Variants in SMIM22 observed in about 807,000 individuals in gnomAD.
SMIM22 encodes the protein small integral membrane protein 22, also known as cancer associated small integral membrane open reading frame 1.
SMIM22 carries 16 observed loss-of-function variants against 8.4 expected under a neutral mutation model. That is an observed-to-expected ratio of 1.90 (90% CI 1.29 to 2.89). The LOEUF (loss-of-function observed/expected upper bound fraction) is 2.89, where lower values mean the gene tolerates loss of function less well. SMIM22 is among the 30% of genes most tolerant of loss of function. The probability of loss-of-function intolerance (pLI) is 0.00; values close to 1 mark genes in which losing one functional copy is unlikely to be tolerated. For missense variants in SMIM22, 159 were observed against 107.5 expected, an observed-to-expected ratio of 1.48 and a Z score of -2.12; for synonymous variants, 67 against 47.6, an observed-to-expected ratio of 1.41 and a Z score of -1.68.
upstream of SMIM22, among the ~76,000 whole-genome samples, chr16:4,793,957 A>G (rs894486250): frequency 4.0e-5 from 6 of 151,488 alleles, no homozygotes; most frequent in African/African-American, 1.5e-4. Flanking sequence ...ATTTTTTTTG[A>G]GATAGTCTTG....
chr16:4,796,324 A>T lies in SMIM22; in HGVS notation c.*93A>T. 5 of 1,446,584 alleles carry T rather than the reference A, an allele frequency of 3.5e-6. No individual in the cohort carries two copies. Among genetic ancestry groups the T allele is most frequent in the Non-Finnish European group, 4.6e-6 (5 of 1,079,504 alleles). The allele number at this position is 1,446,584 out of a possible 1,614,324, so 89.6% of individuals were successfully genotyped here. ...CTTCCAGTCCCCGTCTGGGTGGGTG[A>T]CGCGGGACTCGCCGCCCCACTCAGG... On this transcript the variant is annotated 3_prime_UTR_variant, in exon 4 of 4. Transcript: ENST00000586005.
upstream of SMIM22, among the ~76,000 whole-genome samples, chr16:4,792,212 A>T (rs926845655): frequency 6.6e-6 from 1 of 150,604 alleles, no homozygotes; most frequent in Non-Finnish European, 1.5e-5. Context: ...TTTTTTTGAG[A>T]CAGAGTCTCG....
At chr16:4,794,526 T>C (rs542490196), upstream of SMIM22, among the ~76,000 whole-genome samples, 6 of 152,252 alleles carry the variant, frequency 3.9e-5, no homozygotes, top group East Asian at 1.9e-4. Context: ...GTTCAAGTGA[T>C]TCTCCTGCCT....
upstream of SMIM22, among the ~76,000 whole-genome samples, chr16:4,790,995 G>A (rs190263350): frequency 1.3e-5 from 2 of 152,320 alleles, no homozygotes; most frequent in Admixed American, 6.5e-5. Context: ...AGCAGCTGAG[G>A]ATGTGGTTAG....
upstream of SMIM22, among the ~76,000 whole-genome samples, chr16:4,791,330 T>C (rs1471366482): frequency 2.0e-5 from 3 of 152,004 alleles, no homozygotes; most frequent in East Asian, 1.9e-4. Flanking sequence ...GTGACTATGG[T>C]GGAAGAGGAC....
chr16:4,793,402 GGT>G, upstream of SMIM22, among the ~76,000 whole-genome samples: 1 of 152,296 alleles, frequency 6.6e-6, no homozygotes, highest in Non-Finnish European at 1.5e-5. Context: ...GGATACATTA[GGT>G]GTGTGACGGG....
At chr16:4,793,962 G>C (rs1164984248), upstream of SMIM22, among the ~76,000 whole-genome samples, 1 of 151,722 alleles carries the variant, frequency 6.6e-6, no homozygotes, top group Non-Finnish European at 1.5e-5. Context: ...TTTTGAGATA[G>C]TCTTGCTCTG....
At chr16:4,791,265 G>C (rs1196342717), upstream of SMIM22, among the ~76,000 whole-genome samples, 1 of 152,196 alleles carries the variant, frequency 6.6e-6, no homozygotes, top group Admixed American at 6.5e-5. Context: ...TCATCTGGAA[G>C]GTGCTCCCGG....
chr16:4,796,403 TCA>T lies in SMIM22; in HGVS notation c.*173_*174del. ...TCAGCACGACTGTGCCAGGTCATCC[TCA>T]GTCACCTAGCTGGGAGGGGAGCTGG... On this transcript the variant is annotated 3_prime_UTR_variant, in exon 4 of 4. Coordinates refer to ENST00000586005, the MANE Select transcript of SMIM22 (RefSeq NM_001253794.2). The T allele has an allele frequency of 2.7e-6, 2 of 733,566 alleles. No individual in the cohort carries two copies. The highest frequency in any genetic ancestry group is 2.2e-6 in the Non-Finnish European group (1 of 456,348). 45.4% of individuals were successfully genotyped at this position (733,566 alleles called of 1,614,324 possible). A position where few individuals can be genotyped will look rare whatever the true frequency, so the allele number is the denominator to read the frequency against.
At position 4,795,845 on chromosome 16, in the gene SMIM22, C is replaced by T. The variant is rs755548613; in HGVS notation, c.111C>T (p.Phe37=). 7.8e-6 allele frequency: 12 copies of T among 1,535,764 alleles called. No individual in the cohort carries two copies. In the South Asian group the frequency reaches 9.5e-5, roughly 12 times the overall value. ...GGGACACTGTTGCCTTCATTGTTTT[C>T]CTCACCTTCATGGGTAAGTGTGGCT... is the stretch of plus-strand genomic sequence containing the variant. ...STWDTVAFIV[F]LTFMGTVLLL... is the part of the protein sequence containing the mutation. Residue 37 remains phenylalanine (F), a synonymous_variant, in exon 2 of 4, where the codon TTC becomes TTT. Transcript: ENST00000586005.
upstream of SMIM22, among the ~76,000 whole-genome samples, chr16:4,791,223 C>T (rs569047900): frequency 7.9e-5 from 12 of 152,152 alleles, no homozygotes; most frequent in South Asian, 1.2e-3. Context: ...ATGTAAGTGC[C>T]GTCAAAGGAG....
chr16:4,795,974 G>A lies in SMIM22; in HGVS notation c.151G>A (p.Val51Ile). The A allele has an allele frequency of 1.3e-6, 2 of 1,505,754 alleles. No individual in the cohort carries two copies. Among genetic ancestry groups the A allele is most frequent in the Non-Finnish European group, 1.8e-6 (2 of 1,131,114 alleles). The allele number at this position is 1,505,754 out of a possible 1,614,324, so 93.3% of individuals were successfully genotyped here. The change falls in exon 3 of 4, where the codon GTC becomes ATC. Residue 51 changes from valine (V) to isoleucine (I), a missense_variant. By Grantham distance (29) the Val-to-Ile change is conservative. Transcript: ENST00000586005. The part of the protein sequence containing the change: ...MGTVLLLLLL[V>I]VAHCCCCSSP... ...CACCGTGCTGCTCCTGCTGCTGCTG[G>A]TCGTCGCCCACTGCTGCTGCTGCAG...
chr16:4,796,091 G>GGGGTGGA, intron 3 of SMIM22, 43 bp downstream of exon 3: 1 of 1,535,576 alleles, frequency 6.5e-7, no homozygotes, highest in South Asian at 1.2e-5. Flanking sequence ...AACTGTACTG[G>GGGGTGGA]GGGTGGAGGC....
chr16:4,790,440 T>G (rs904332805), upstream of SMIM22, among the ~76,000 whole-genome samples: 8 of 152,200 alleles, frequency 5.3e-5, no homozygotes, highest in African/African-American at 1.2e-4. Flanking sequence ...CTTCTGCCAG[T>G]TCTTCCTTCT....
Position 4,795,764 on chromosome 16 carries a change from C to T in SMIM22, c.30C>T (p.Ala10=), listed in dbSNP as rs1193164944. ...CTGTGTCCACAGAGGAGCTGGAGGC[C>T]ACGGTTCAGGAAGTCCTGGGGAGAC... MAVSTEELE[A]TVQEVLGRLK... Residue 10 remains alanine (A), a synonymous_variant, in exon 2 of 4, where the codon GCC becomes GCT. Coordinates refer to ENST00000586005, the MANE Select transcript of SMIM22 (RefSeq NM_001253794.2). 1.7e-5 allele frequency: 26 copies of T among 1,535,812 alleles called. No individual in the cohort carries two copies. Among genetic ancestry groups the T allele is most frequent in the Non-Finnish European group, 2.1e-5 (24 of 1,146,816 alleles).
In SMIM22 at chr16:4,796,319, G is replaced by C; in HGVS notation, c.*88G>C. 1 of 1,468,314 alleles carries C rather than the reference G, an allele frequency of 6.8e-7. No individual in the cohort carries two copies. Among genetic ancestry groups the C allele is most frequent in the South Asian group, 1.3e-5 (1 of 77,404 alleles). 91.0% of individuals were successfully genotyped at this position (1,468,314 alleles called of 1,614,324 possible). ...AGTGTCTTCCAGTCCCCGTCTGGGT[G>C]GGTGACGCGGGACTCGCCGCCCCAC... On this transcript the variant is annotated 3_prime_UTR_variant, in exon 4 of 4. Coordinates refer to ENST00000586005, the MANE Select transcript of SMIM22 (RefSeq NM_001253794.2).
chr16:4,794,584 CTAATTTTGTATTTTTAGTAGAG>C (rs1275037281), upstream of SMIM22, among the ~76,000 whole-genome samples: 1 of 152,132 alleles, frequency 6.6e-6, no homozygotes, highest in Non-Finnish European at 1.5e-5. Context: ...CCACGCCTGG[CTAATTTTGTATTTTTAGTAGAG>C]ACATGGTTTC....
Position 4,796,030 on chromosome 16 carries a change from G to A in SMIM22, c.207G>A (p.Arg69=), listed in dbSNP as rs2082637916. The A allele has an allele frequency of 1.3e-6, 2 of 1,526,696 alleles. No individual in the cohort carries two copies. Among genetic ancestry groups the A allele is most frequent in the Non-Finnish European group, 1.8e-6 (2 of 1,141,422 alleles). The allele number at this position is 1,526,696 out of a possible 1,614,324, so 94.6% of individuals were successfully genotyped here. A position where few individuals can be genotyped will look rare whatever the true frequency, so the allele number is the denominator to read the frequency against. Residue 69 remains arginine, a synonymous_variant, in exon 3 of 4, where the codon AGG becomes AGA. Transcript: ENST00000586005. Reference sequence around the variant, plus strand: ...CCGGGCCCCGCAGGGAAAGCCCCAGGAAGGTGAGCCCCTGGAAGGTGAGCC... The same window carrying A: ...CCGGGCCCCGCAGGGAAAGCCCCAGAAAGGTGAGCCCCTGGAAGGTGAGCC... ...SSPGPRRESP[R]KVSPWKERPK...
chr16:4,792,403 G>A (rs866902055), upstream of SMIM22, among the ~76,000 whole-genome samples: 38 of 150,624 alleles, frequency 2.5e-4, no homozygotes, highest in Admixed American at 2.0e-4. Context: ...TGTTAGCCAG[G>A]ATGGTCTCGA....
Sources: gnomAD v4.1 joint callset for allele counts (sites outside exome capture counted in the v4.1 genomes callset) on GRCh38, gnomAD v4.1.1 for gene constraint, MANE v1.5 for transcripts, NCBI Gene and HGNC (gene_info 2026-07-23, HGNC 2026-07-21) for gene names.